The following CXCR4 variants were observed in gnomAD, a reference collection of about 807,000 sequenced individuals.
The protein encoded by CXCR4 is C-X-C chemokine receptor type 4.
Under a neutral mutation model 22.4 loss-of-function variants are expected in CXCR4, and 6 were observed. The ratio of observed to expected loss-of-function variants is 0.27; its 90% CI spans 0.15 to 0.53. CXCR4 has a LOEUF of 0.53. CXCR4 is among the 20% of genes least tolerant of loss of function. CXCR4 has a pLI of 0.96. For synonymous variants in CXCR4, 155 were observed against 171.7 expected, an observed-to-expected ratio of 0.90 and a Z score of 0.76; for missense variants, 300 against 430.4, an observed-to-expected ratio of 0.70 and a Z score of 2.68.
At position 136,115,981 on chromosome 2, in the gene CXCR4, T is replaced by G. The variant is rs1558837112; in HGVS notation, c.16-69A>C. The G allele has an allele frequency of 1.2e-6, 2 of 1,612,736 alleles. No individual in the cohort carries two copies. Among genetic ancestry groups the G allele is most frequent in the Admixed American group, 1.7e-5 (1 of 59,926 alleles). ...AAGCATTAACCCAGTTAAAAAAAAT[T>G]TTTAAAGCAATTTAAAAAACCAATT... On this transcript the variant is annotated intron_variant, in intron 1 of 1. Coordinates refer to ENST00000241393, the MANE Select transcript of CXCR4 (RefSeq NM_003467.3). The surrounding 1 kb of genome is among the most constrained non-coding windows in gnomAD (Gnocchi z 6.4).
At position 136,115,112 on chromosome 2, in the gene CXCR4, T is replaced by C; in HGVS notation, c.816A>G (p.Gln272=). 6.2e-7 allele frequency: 1 copy of C among 1,614,196 alleles called. No homozygotes were observed. Among genetic ancestry groups the C allele is most frequent in the East Asian group, 2.2e-5 (1 of 44,884 alleles). Residue 272 remains glutamine (Q), a synonymous_variant, in exon 2 of 2, where the codon CAA becomes CAG. Coordinates refer to ENST00000241393, the MANE Select transcript of CXCR4 (RefSeq NM_003467.3). This position sits in a 1 kb window ranked among gnomAD's most constrained non-coding sequence, Gnocchi z 6.4. ...GCACAGTGTTCTCAAACTCACACCC[T>C]TGCTTGATGATTTCCAGGAGGATGA... The part of the protein sequence containing the change: ...DSFILLEIIK[Q]GCEFENTVHK...
rs767181520 is a variant in CXCR4, at chr2:136,118,109, C to T, written c.-49G>A. ...CGGTGGCTACTGGAGCACTCAGGCC[C>T]TCGGCGTCACTTTGCTACCTGCTGC... On this transcript the variant is annotated 5_prime_UTR_variant, in exon 1 of 2. Transcript: ENST00000241393. The T allele has an allele frequency of 1.9e-6, 3 of 1,604,084 alleles. No homozygotes were observed. The highest frequency in any genetic ancestry group is 1.1e-5 in the South Asian group (1 of 90,406).
Position 136,115,318 on chromosome 2 carries a change from T to C in CXCR4, c.610A>G (p.Ile204Val). The C allele has an allele frequency of 1.2e-6, 2 of 1,614,132 alleles. No homozygotes were observed. Among genetic ancestry groups the C allele is most frequent in the Non-Finnish European group, 1.7e-6 (2 of 1,180,026 alleles). The change falls in exon 2 of 2, where the codon ATC (isoleucine) becomes GTC (valine). Residue 204 changes from isoleucine to valine, a missense_variant. Ile to Val is a conservative substitution (Grantham distance 29). Transcript: ENST00000241393. The surrounding 1 kb of genome is among the most constrained non-coding windows in gnomAD (Gnocchi z 6.4). Reference protein sequence around the residue: ...LWVVVFQFQHIMVGLILPGIV... With the variant: ...LWVVVFQFQHVMVGLILPGIV... ...CCAGGCAGGATAAGGCCAACCATGA[T>C]GTGCTGAAACTGGAACACAACCACC... is the stretch of plus-strand genomic sequence containing the variant.
In CXCR4 at chr2:136,115,040, A is replaced by G; in HGVS notation, c.888T>C (p.Cys296=). Residue 296 remains cysteine, a synonymous_variant, in exon 2 of 2, where the codon TGT becomes TGC. Coordinates refer to ENST00000241393, the MANE Select transcript of CXCR4 (RefSeq NM_003467.3). The surrounding 1 kb of genome is among the most constrained non-coding windows in gnomAD (Gnocchi z 6.4). ...GGAAAGCATAGAGGATGGGGTTCAG[A>G]CAACAGTGGAAGAAAGCTAGGGCCT... The part of the protein sequence containing the change: ...ITEALAFFHC[C]LNPILYAFLG... The G allele has an allele frequency of 6.2e-7, 1 of 1,614,218 alleles. No homozygotes were observed. Among genetic ancestry groups the G allele is most frequent in the Non-Finnish European group, 8.5e-7 (1 of 1,180,046 alleles).
rs1053292586 is a variant in CXCR4, at chr2:136,115,926, A to T, written c.16-14T>A. On this transcript the variant is annotated splice_polypyrimidine_tract_variant and intron_variant, in intron 1 of 1. Coordinates refer to ENST00000241393, the MANE Select transcript of CXCR4 (RefSeq NM_003467.3). This position sits in a 1 kb window ranked among gnomAD's most constrained non-coding sequence, Gnocchi z 6.4. ...TGAAGTGTATATCTGCAAAAGAGGC[A>T]AAGGAATGGACATTCACTTCCAATT... is the stretch of plus-strand genomic sequence containing the variant. 14 of 1,614,110 alleles carry T rather than the reference A, an allele frequency of 8.7e-6. No individual in the cohort carries two copies. The highest frequency in any genetic ancestry group is 8.5e-7 in the Non-Finnish European group (1 of 1,180,042).
At chr2:136,117,117 C>T (rs2104920262) in intron 1 of CXCR4, among the ~76,000 whole-genome samples, 1 of 152,342 alleles carries the variant, frequency 6.6e-6, no homozygotes, top group African/African-American at 2.4e-5. Context: ...AACGGTTTCC[C>T]CACTTGCACC....
intron 1 of CXCR4, 98 bp from the exon 2 acceptor site, chr2:136,116,010 G>A: frequency 6.3e-7 from 1 of 1,596,576 alleles, no homozygotes; most frequent in South Asian, 1.1e-5. Context: ...ACCAATTCAG[G>A]CTTGCTTTCT....
At chr2:136,116,315 G>T in intron 1 of CXCR4, 1 of 926,086 alleles carries the variant, frequency 1.1e-6, no homozygotes, top group Non-Finnish European at 1.4e-6. Context: ...TGGGGTGGGT[G>T]CTGCTAGGAG....
At chr2:136,117,887 C>CCCCA in intron 1 of CXCR4, 159 bp downstream of exon 1, 1 of 222,946 alleles carries the variant, frequency 4.5e-6, no homozygotes, top group Non-Finnish European at 9.1e-6. Flanking sequence ...CACCCACCCG[C>CCCCA]ACTATATAGG....
At chr2:136,117,950 C>T (rs539049812) in intron 1 of CXCR4, 96 bp downstream of exon 1, 20 of 1,146,670 alleles carry the variant, frequency 1.7e-5, no homozygotes, top group Non-Finnish European at 2.2e-5. Context: ...CGGGTACCTC[C>T]AATGTCCTGG....
Position 136,118,071 on chromosome 2 carries a change from G to A in CXCR4, c.-11C>T, listed in dbSNP as rs761720005. The A allele has an allele frequency of 6.2e-7, 1 of 1,613,644 alleles. No homozygotes were observed. Among genetic ancestry groups the A allele is most frequent in the Non-Finnish European group, 8.5e-7 (1 of 1,179,752 alleles). ...ACTGATCCCCTCCATGGTAACCGCT[G>A]GTTCTCCAGATGCGGTGGCTACTGG... On this transcript the variant is annotated 5_prime_UTR_variant, in exon 1 of 2. Transcript: ENST00000241393.
rs560844176 is a variant in CXCR4 at position 136,115,909 on chromosome 2, A to G, written c.19T>C (p.Tyr7His). The G allele has an allele frequency of 6.8e-6, 11 of 1,614,194 alleles. No individual in the cohort carries two copies. The highest frequency in any genetic ancestry group is 8.5e-6 in the Non-Finnish European group (10 of 1,180,016). Residue 7 changes from tyrosine (Y) to histidine (H), a missense_variant, in exon 2 of 2, where the codon TAC becomes CAC. Physicochemically the swap from Tyr to His is moderately conservative, Grantham distance 83 (BLOSUM62 2). Coordinates refer to ENST00000241393, the MANE Select transcript of CXCR4 (RefSeq NM_003467.3). The surrounding 1 kb of genome is among the most constrained non-coding windows in gnomAD (Gnocchi z 6.4). ...TCCTCGGTGTAGTTATCTGAAGTGT[A>G]TATCTGCAAAAGAGGCAAAGGAATG... is the stretch of plus-strand genomic sequence containing the variant. Reference protein sequence around the residue: MEGISIYTSDNYTEEMG... With the variant: MEGISIHTSDNYTEEMG...
chr2:136,115,294 C>G lies in CXCR4; in HGVS notation c.634G>C (p.Gly212Arg). Residue 212 changes from glycine (G) to arginine (R), a missense_variant, in exon 2 of 2, where the codon GGT (glycine) becomes CGT (arginine). Coordinates refer to ENST00000241393, the MANE Select transcript of CXCR4 (RefSeq NM_003467.3). The surrounding 1 kb of genome is among the most constrained non-coding windows in gnomAD (Gnocchi z 6.4). ...QHIMVGLILP[G>R]IVILSCYCII... ...CAATAGCAGGACAGGATGACAATAC[C>G]AGGCAGGATAAGGCCAACCATGATG... The G allele has an allele frequency of 6.2e-7, 1 of 1,614,038 alleles. No individual in the cohort carries two copies. The highest frequency in any genetic ancestry group is 8.5e-7 in the Non-Finnish European group (1 of 1,180,014).
At position 136,115,246 on chromosome 2, in the gene CXCR4, G is replaced by T. The variant is rs1196816010; in HGVS notation, c.682C>A (p.His228Asn). The change falls in exon 2 of 2, where the codon CAC becomes AAC. Residue 228 changes from histidine to asparagine, a missense_variant. By Grantham distance (68) the His-to-Asn change is moderately conservative. Transcript: ENST00000241393. The surrounding 1 kb of genome is among the most constrained non-coding windows in gnomAD (Gnocchi z 6.4). ...CYCIIISKLS[H>N]SKGHQKRKAL... ...TTGCGCTTCTGGTGGCCCTTGGAGTGTGACAGCTTGGAGATGATAATGCAA... is the reference window on the plus strand; with the variant it reads ...TTGCGCTTCTGGTGGCCCTTGGAGTTTGACAGCTTGGAGATGATAATGCAA... 4 of 1,614,024 alleles carry T rather than the reference G, an allele frequency of 2.5e-6. No individual in the cohort carries two copies. The Admixed American group carries it at 6.7e-5, about 27-fold the overall frequency.
chr2:136,117,555 C>G (rs545260075), intron 1 of CXCR4: 1 of 161,700 alleles, frequency 6.2e-6, no homozygotes, highest in African/African-American at 2.4e-5. Context: ...TCACCAGGCG[C>G]TTAACCCCGA....
intron 1 of CXCR4, 103 bp from the exon 2 acceptor site, chr2:136,116,015 C>T (rs1684880122): frequency 6.3e-7 from 1 of 1,590,642 alleles, no homozygotes; most frequent in Admixed American, 1.8e-5. Context: ...TTCAGGCTTG[C>T]TTTCTTCAGG....
rs1485584805 is a variant in CXCR4 at position 136,115,921 on chromosome 2, G to C, written c.16-9C>G. On this transcript the variant is annotated splice_polypyrimidine_tract_variant and intron_variant, in intron 1 of 1. Transcript: ENST00000241393. The surrounding 1 kb of genome is among the most constrained non-coding windows in gnomAD (Gnocchi z 6.4). ...TTATCTGAAGTGTATATCTGCAAAA[G>C]AGGCAAAGGAATGGACATTCACTTC... 6.8e-6 allele frequency: 11 copies of C among 1,614,048 alleles called. No homozygotes were observed. The highest frequency in any genetic ancestry group is 2.2e-5 in the East Asian group (1 of 44,898).
intron 1 of CXCR4, among the ~76,000 whole-genome samples, chr2:136,116,448 A>G (rs1684894754): frequency 6.6e-6 from 1 of 152,082 alleles, no homozygotes; most frequent in Admixed American, 6.5e-5. Flanking sequence ...CAAAAACTTA[A>G]TTTTCCCACG....
Position 136,115,560 on chromosome 2 carries a change from C to T in CXCR4, c.368G>A (p.Ser123Asn). 2 of 1,614,202 alleles carry T rather than the reference C, an allele frequency of 1.2e-6. No homozygotes were observed. The highest frequency in any genetic ancestry group is 1.7e-6 in the Non-Finnish European group (2 of 1,180,040). Reference sequence around the variant, plus strand: ...ACTGATGAAGGCCAGGATGAGGACACTGCTGTAGAGGTTGACTGTGTAGAT... The same window carrying T: ...ACTGATGAAGGCCAGGATGAGGACATTGCTGTAGAGGTTGACTGTGTAGAT... ...HVIYTVNLYS[S>N]VLILAFISLD... The change falls in exon 2 of 2, where the codon AGT (serine) becomes AAT (asparagine). Residue 123 changes from serine to asparagine, a missense_variant. Physicochemically the swap from Ser to Asn is conservative, Grantham distance 46. Around this residue, in one of 3 missense-constraint regions of CXCR4, gnomAD observed 118 missense variants for 188.2 expected, o/e 0.63. Transcript: ENST00000241393. This position sits in a 1 kb window ranked among gnomAD's most constrained non-coding sequence, Gnocchi z 6.4.
Sources: allele counts gnomAD v4.1 joint callset (sites outside exome capture counted in the v4.1 genomes callset), GRCh38; gene constraint gnomAD v4.1.1; regional missense constraint gnomAD v4.1.1; non-coding constraint Gnocchi (gnomAD v3.1); transcripts MANE v1.5; gene names NCBI Gene and HGNC (gene_info 2026-07-23, HGNC 2026-07-21).